Variants in CLYBL observed in about 807,000 individuals in gnomAD.
CLYBL encodes citramalyl-CoA lyase.
In CLYBL, 31 loss-of-function variants were observed where a neutral mutation model predicts 38.9. The ratio of observed to expected loss-of-function variants is 0.80; its 90% CI spans 0.60 to 1.08. The LOEUF is 1.08. Ranked by LOEUF, CLYBL falls within the 50% of genes least tolerant of loss-of-function variation. The pLI is 0.00. For synonymous variants in CLYBL, 171 were observed against 158.6 expected (o/e 1.08, Z -0.59); for missense variants, 434 against 411.6 (o/e 1.05, Z -0.47).
At position 99,848,098 on chromosome 13, in the gene CLYBL, G is replaced by A. The variant is rs184771184; in HGVS notation, c.250-10763G>A. ...CTGCTGCTGTCCTTTGCCCATTTCT[G>A]GCTCTCTCACCTCCTCTGCACTTAC... On this transcript the variant is annotated intron_variant, in intron 2 of 8. Coordinates refer to ENST00000339105, the MANE Select transcript of CLYBL (RefSeq NM_206808.5). 5.7e-3 allele frequency among the ~76,000 whole-genome samples: 865 copies of A among 152,072 alleles called. 3 individuals carry two copies. The highest frequency in any genetic ancestry group is 8.9e-3 in the Non-Finnish European group (605 of 67,994).
At chr13:99,879,638 T>G (rs759926861) in intron 7 of CLYBL, among the ~76,000 whole-genome samples, 5 of 152,252 alleles carry the variant, frequency 3.3e-5, no homozygotes, top group Admixed American at 1.3e-4. Flanking sequence ...AATCTATGAT[T>G]TATAAGAGTT....
intron 1 of CLYBL, among the ~76,000 whole-genome samples, chr13:99,625,676 A>C (rs1268948646): frequency 6.6e-6 from 1 of 152,236 alleles, no homozygotes; most frequent in Non-Finnish European, 1.5e-5. Flanking sequence ...TTCCTAGAAC[A>C]ATTTTTTGTA....
At chr13:99,716,338 T>A (rs2139511110) in intron 1 of CLYBL, among the ~76,000 whole-genome samples, 1 of 150,826 alleles carries the variant, frequency 6.6e-6, no homozygotes, top group Admixed American at 6.6e-5. Flanking sequence ...GCTGAAATTC[T>A]GAATTTTATA....
At chr13:99,713,046 C>T (rs1242691415) in intron 1 of CLYBL, among the ~76,000 whole-genome samples, 2 of 152,114 alleles carry the variant, frequency 1.3e-5, no homozygotes, top group African/African-American at 4.8e-5. Context: ...AAACATTTTC[C>T]CTAAGAATGT....
At chr13:99,884,883 G>A in intron 7 of CLYBL, 1 of 437,102 alleles carries the variant, frequency 2.3e-6, no homozygotes, top group Admixed American at 2.5e-5. Context: ...GCAAAGCTTT[G>A]CCCAGACAAC....
chr13:99,726,889 TG>T (rs2096377201), intron 1 of CLYBL, among the ~76,000 whole-genome samples: 1 of 152,166 alleles, frequency 6.6e-6, no homozygotes, highest in East Asian at 1.9e-4. Context: ...CTGGGCACAG[TG>T]ACTCACGCCT....
chr13:99,875,034 G>A (rs2052003059), intron 7 of CLYBL, among the ~76,000 whole-genome samples: 1 of 152,144 alleles, frequency 6.6e-6, no homozygotes, highest in Admixed American at 6.5e-5. Context: ...TCATATCATG[G>A]CTGTACGTGC....
intron 1 of CLYBL, among the ~76,000 whole-genome samples, chr13:99,676,186 G>GTCCGTCCCTTCCTTCCTTCCT (rs1459044000): frequency 2.3e-4 from 30 of 132,994 alleles, no homozygotes; most frequent in Non-Finnish European, 4.0e-4. Flanking sequence ...CCCTCCGTCC[G>GTCCGTCCCTTCCTTCCTTCCT]TCCTTCCTTC....
At chr13:99,871,483 G>GA (rs2051896685) in intron 7 of CLYBL, among the ~76,000 whole-genome samples, 1 of 152,068 alleles carries the variant, frequency 6.6e-6, no homozygotes, top group Admixed American at 6.6e-5. Context: ...AATTTGGGGG[G>GA]AAAAAAGTAC....
At position 99,606,705 on chromosome 13, in the gene CLYBL, C is replaced by A. The variant is rs865840508; in HGVS notation, c.10C>A (p.Arg4Ser). The A allele has an allele frequency of 5.4e-6, 8 of 1,492,428 alleles. No individual in the cohort carries two copies. Among genetic ancestry groups the A allele is most frequent in the South Asian group, 3.8e-5 (3 of 78,668 alleles). The allele number at this position is 1,492,428 out of a possible 1,614,324, so 92.4% of individuals were successfully genotyped here. A position where few individuals can be genotyped will look rare whatever the true frequency, so the allele number is the denominator to read the frequency against. Residue 4 changes from arginine (R) to serine (S), a missense_variant, in exon 1 of 9, where the codon CGT becomes AGT. Coordinates refer to ENST00000339105, the MANE Select transcript of CLYBL (RefSeq NM_206808.5). ...CGCGCGCGTCGGGAAGATGGCGCTA[C>A]GTCTGCTGCGGAGGGCGGCGCGCGG... MALRLLRRAARGAA... is the reference protein window; with the variant it reads MALSLLRRAARGAA...
intron 1 of CLYBL, among the ~76,000 whole-genome samples, chr13:99,672,943 G>T (rs1025601717): frequency 1.3e-5 from 2 of 152,106 alleles, no homozygotes; most frequent in African/African-American, 4.8e-5. Flanking sequence ...TCATCCATGC[G>T]CCCAATGGGT....
Position 99,640,187 on chromosome 13 carries a change from C to CT in CLYBL, c.62+33436dup, listed in dbSNP as rs551277784. 1.9e-3 allele frequency among the ~76,000 whole-genome samples: 284 copies of CT among 152,182 alleles called. 1 individual carries two copies. Among genetic ancestry groups the CT allele is most frequent in the African/African-American group, 5.9e-3 (244 of 41,542 alleles). On this transcript the variant is annotated intron_variant, in intron 1 of 8. Transcript: ENST00000339105. Reference sequence around the variant, plus strand: ...CCTGTCTAACTCAAAATAATTGTTTCTTTTTTCACACAAAGCCAATTGAAT... The same window carrying CT: ...CCTGTCTAACTCAAAATAATTGTTTCTTTTTTTCACACAAAGCCAATTGAAT...
chr13:99,651,241 A>G (rs2139301611), intron 1 of CLYBL, among the ~76,000 whole-genome samples: 1 of 152,354 alleles, frequency 6.6e-6, no homozygotes, highest in African/African-American at 2.4e-5. Context: ...ACCTGATTGC[A>G]GGCCCAGCAT....
At chr13:99,897,715 G>A (rs2052598959), downstream of CLYBL, among the ~76,000 whole-genome samples, 1 of 152,202 alleles carries the variant, frequency 6.6e-6, no homozygotes, top group Admixed American at 6.5e-5. Context: ...GGAGGCTGAG[G>A]TGGGCAGATC....
At chr13:99,770,747 G>C (rs2049373223) in intron 1 of CLYBL, among the ~76,000 whole-genome samples, 2 of 151,836 alleles carry the variant, frequency 1.3e-5, no homozygotes, top group African/African-American at 4.8e-5. Context: ...TTTTGAGACA[G>C]AGTCTTGCTC....
At chr13:99,867,428 G>C (rs1199442538) in intron 6 of CLYBL, among the ~76,000 whole-genome samples, 1 of 151,946 alleles carries the variant, frequency 6.6e-6, no homozygotes, top group Non-Finnish European at 1.5e-5. Flanking sequence ...CTATTCTAGT[G>C]TTATATTCAA....
intron 2 of CLYBL, among the ~76,000 whole-genome samples, chr13:99,815,640 C>A (rs2050430734): frequency 6.6e-6 from 1 of 152,128 alleles, no homozygotes; most frequent in South Asian, 2.1e-4. Flanking sequence ...AATCCCAATA[C>A]TTTGGGAGGC....
chr13:99,660,656 A>T (rs575620811), intron 1 of CLYBL, among the ~76,000 whole-genome samples: 47 of 152,350 alleles, frequency 3.1e-4, no homozygotes, highest in African/African-American at 1.1e-3. Flanking sequence ...CAAAGGACTC[A>T]ACATATTTAA....
chr13:99,810,940 A>C (rs2050329293), intron 2 of CLYBL, among the ~76,000 whole-genome samples: 1 of 152,120 alleles, frequency 6.6e-6, no homozygotes, highest in African/African-American at 2.4e-5. Context: ...TCTCCTTCCT[A>C]AGAAAGTTTA....
Sources: allele counts gnomAD v4.1 joint callset (sites outside exome capture counted in the v4.1 genomes callset), GRCh38; gene constraint gnomAD v4.1.1; transcripts MANE v1.5; gene names NCBI Gene and HGNC (gene_info 2026-07-23, HGNC 2026-07-21).